The following GALNT13 variants were observed in gnomAD, a reference collection of about 807,000 sequenced individuals.
The protein encoded by GALNT13 is polypeptide N-acetylgalactosaminyltransferase 13.
GALNT13 carries 28 observed loss-of-function variants against 64.2 expected under a neutral mutation model. The ratio of observed to expected loss-of-function variants is 0.44; its 90% CI spans 0.32 to 0.60. The LOEUF (loss-of-function observed/expected upper bound fraction) is 0.60. GALNT13 is among the 20% of genes least tolerant of loss of function. The pLI is 0.05. For missense variants in GALNT13, 577 were observed against 669.8 expected, an observed-to-expected ratio of 0.86 and a Z score of 1.53; for synonymous variants, 214 against 224.6, an observed-to-expected ratio of 0.95 and a Z score of 0.42.
At chr2:153,809,967 T>C in the GALNT13 span, among the ~76,000 whole-genome samples, 1 of 151,992 alleles carries the variant, frequency 6.6e-6, no homozygotes, top group African/African-American at 2.4e-5. Context: ...TTTTGTTTTG[T>C]TTTGTTTTGT....
At chr2:154,264,428 C>T (rs186662618) in intron 8 of GALNT13, among the ~76,000 whole-genome samples, 8 of 148,020 alleles carry the variant, frequency 5.4e-5, no homozygotes, top group African/African-American at 1.8e-4. Flanking sequence ...CAAGACCAGC[C>T]TAGCCAACAT....
chr2:154,364,923 G>A (rs568811764), intron 9 of GALNT13, among the ~76,000 whole-genome samples: 6 of 152,172 alleles, frequency 3.9e-5, no homozygotes, highest in African/African-American at 1.2e-4. Context: ...CGCCCGCCTC[G>A]GCCTTCCAAA....
At chr2:153,967,019 G>A (rs1311568161) in intron 3 of GALNT13, among the ~76,000 whole-genome samples, 1 of 151,630 alleles carries the variant, frequency 6.6e-6, no homozygotes. Context: ...GAGAGACTGC[G>A]GCATTTTTCA....
the GALNT13 span, among the ~76,000 whole-genome samples, chr2:153,427,213 G>A: frequency 2.0e-5 from 3 of 152,024 alleles, no homozygotes; most frequent in African/African-American, 7.2e-5. Context: ...GGAAGCTACA[G>A]TGTAATCAGG....
At chr2:153,881,645 A>G (rs1180079403) in intron 1 of GALNT13, among the ~76,000 whole-genome samples, 1 of 152,206 alleles carries the variant, frequency 6.6e-6, no homozygotes, top group Non-Finnish European at 1.5e-5. Context: ...TAACATGTAT[A>G]CATCATTTCC....
At chr2:153,210,546 G>T in the GALNT13 span, among the ~76,000 whole-genome samples, 1 of 152,110 alleles carries the variant, frequency 6.6e-6, no homozygotes, top group African/African-American at 2.4e-5. Flanking sequence ...TGCTAGATTT[G>T]ATTTGCTAAT....
chr2:153,389,376 G>A, the GALNT13 span, among the ~76,000 whole-genome samples: 1 of 152,042 alleles, frequency 6.6e-6, no homozygotes, highest in Non-Finnish European at 1.5e-5. Context: ...GTACCAGCAG[G>A]GAAGTGGAGC....
At chr2:153,795,948 C>T in the GALNT13 span, among the ~76,000 whole-genome samples, 8 of 152,222 alleles carry the variant, frequency 5.3e-5, no homozygotes, top group Admixed American at 2.0e-4. Flanking sequence ...AGTACATGCT[C>T]TTTCCTCTGT....
chr2:154,200,069 G>A (rs1170100773), intron 4 of GALNT13, among the ~76,000 whole-genome samples: 1 of 151,910 alleles, frequency 6.6e-6, no homozygotes, highest in African/African-American at 2.4e-5. Flanking sequence ...TGTGAGGGAT[G>A]GGGGGATTAA....
At chr2:154,074,151 A>C (rs1415295507) in intron 3 of GALNT13, among the ~76,000 whole-genome samples, 1 of 151,928 alleles carries the variant, frequency 6.6e-6, no homozygotes, top group East Asian at 1.9e-4. Flanking sequence ...ATAGGCCTTA[A>C]TCATTTTTAA....
chr2:153,768,627 G>A, the GALNT13 span, among the ~76,000 whole-genome samples: 2 of 152,142 alleles, frequency 1.3e-5, no homozygotes, highest in Admixed American at 6.5e-5. Flanking sequence ...CACGTTGGGA[G>A]GCCAAGGGGG....
chr2:153,499,434 C>T, the GALNT13 span, among the ~76,000 whole-genome samples: 1 of 152,300 alleles, frequency 6.6e-6, no homozygotes, highest in East Asian at 1.9e-4. Flanking sequence ...TTAACTTCAC[C>T]TGGAACTGAC....
the GALNT13 span, among the ~76,000 whole-genome samples, chr2:153,617,853 T>C: frequency 1.3e-5 from 2 of 151,932 alleles, no homozygotes; most frequent in East Asian, 3.9e-4. Context: ...TAGTTGCTCA[T>C]AGTAGCTAGT....
chr2:153,466,387 A>G, the GALNT13 span, among the ~76,000 whole-genome samples: 1 of 151,856 alleles, frequency 6.6e-6, no homozygotes, highest in Non-Finnish European at 1.5e-5. Flanking sequence ...TCAGTGGTAA[A>G]TACTGCCAAC....
chr2:153,457,771 C>A, the GALNT13 span, among the ~76,000 whole-genome samples: 2 of 152,156 alleles, frequency 1.3e-5, no homozygotes, highest in Non-Finnish European at 2.9e-5. Context: ...TAATTTTCAT[C>A]TTTATTGCAT....
At chr2:153,654,957 G>C in the GALNT13 span, among the ~76,000 whole-genome samples, 1 of 151,850 alleles carries the variant, frequency 6.6e-6, no homozygotes, top group Non-Finnish European at 1.5e-5. Flanking sequence ...TGCTGTTCTG[G>C]TTCCCCATCC....
rs546902428 is a variant in GALNT13, at chr2:153,941,184, C to A, written c.-104-3210C>A. On this transcript the variant is annotated intron_variant, in intron 2 of 12. Transcript: ENST00000392825. ...CTAATTTTTGTATTTTTAGTAGTTA[C>A]AAGGTTTCAGTATGTTGGCCAGGCT... Among the ~76,000 whole-genome samples, 3 of 152,178 alleles carry A rather than the reference C, an allele frequency of 2.0e-5. No homozygotes were observed. The East Asian group carries it at 5.8e-4, about 30-fold the overall frequency.
the GALNT13 span, among the ~76,000 whole-genome samples, chr2:153,084,663 T>A: frequency 6.6e-6 from 1 of 152,238 alleles, no homozygotes; most frequent in East Asian, 1.9e-4. Context: ...ACAAGCTGTC[T>A]TGTCTACCAC....
At chr2:153,315,996 A>C in the GALNT13 span, among the ~76,000 whole-genome samples, 6 of 152,168 alleles carry the variant, frequency 3.9e-5, no homozygotes, top group Admixed American at 3.9e-4. Context: ...AAAAAGTTTG[A>C]ATAGACACTT....
Sources: allele counts gnomAD v4.1 joint callset (sites outside exome capture counted in the v4.1 genomes callset), GRCh38; gene constraint gnomAD v4.1.1; transcripts MANE v1.5; gene names NCBI Gene and HGNC (gene_info 2026-07-23, HGNC 2026-07-21).